The following KCNH1 variants were observed in gnomAD, a reference collection of about 807,000 sequenced individuals.
KCNH1 encodes the protein voltage-gated delayed rectifier potassium channel KCNH1.
A neutral mutation model predicts 69.2 loss-of-function variants in KCNH1; 27 were observed. The ratio of observed to expected loss-of-function variants is 0.39; its 90% CI spans 0.29 to 0.54. The LOEUF is 0.54. Among genes scored for constraint, KCNH1 ranks in the 20% least tolerant of loss-of-function variants. The pLI, the probability that KCNH1 is intolerant of heterozygous loss-of-function variation, is 0.68. For synonymous variants in KCNH1, 456 were observed against 487.7 expected, an observed-to-expected ratio of 0.93 and a Z score of 0.86; for missense variants, 798 against 1,261.6, an observed-to-expected ratio of 0.63 and a Z score of 5.57.
chr1:210,929,879 A>C (rs1430169933), intron 6 of KCNH1, among the ~76,000 whole-genome samples: 2 of 152,236 alleles, frequency 1.3e-5, no homozygotes, highest in Admixed American at 6.5e-5. Context: ...TTTATTCACC[A>C]ACAGCAACCA....
At chr1:211,056,497 T>A (rs778404235) in intron 5 of KCNH1, among the ~76,000 whole-genome samples, 1 of 151,744 alleles carries the variant, frequency 6.6e-6, no homozygotes, top group Non-Finnish European at 1.5e-5. Flanking sequence ...CAAGCCTGCC[T>A]GGATTTGCCA....
Position 211,018,992 on chromosome 1 carries a change from C to T in KCNH1, c.823G>A (p.Gly275Arg), listed in dbSNP as rs779913410. ...TCAGAAATCACCTCCCCTGCTGGTC[C>T]AACAAAGGTGGTATGAAAATTGAGC... ...IVLNFHTTFV[G>R]PAGEVISDPK... Residue 275 changes from glycine to arginine, a missense_variant, in exon 6 of 11, where the codon GGA becomes AGA. Gly to Arg is a moderately radical substitution (Grantham distance 125). Around this residue, in one of 4 missense-constraint regions of KCNH1, gnomAD observed 266 missense variants for 457.2 expected, o/e 0.58. Coordinates refer to ENST00000271751, the MANE Select transcript of KCNH1 (RefSeq NM_172362.3). The T allele has an allele frequency of 6.2e-7, 1 of 1,613,990 alleles. No homozygotes were observed. The highest frequency in any genetic ancestry group is 1.1e-5 in the South Asian group (1 of 91,060).
chr1:210,861,147 T>A, intron 7 of KCNH1: 1 of 913,846 alleles, frequency 1.1e-6, no homozygotes, highest in Non-Finnish European at 1.8e-6. Flanking sequence ...TCAAACTTCA[T>A]GCGTATATAC....
chr1:210,996,165 C>G (rs921260741), intron 6 of KCNH1, among the ~76,000 whole-genome samples: 2 of 152,042 alleles, frequency 1.3e-5, no homozygotes, highest in Non-Finnish European at 1.5e-5. Context: ...GCATTGTGCA[C>G]GAGCCGAAGC....
intron 10 of KCNH1, among the ~76,000 whole-genome samples, chr1:210,731,314 T>TA (rs1380711509): frequency 1.3e-5 from 2 of 152,152 alleles, no homozygotes; most frequent in East Asian, 3.9e-4. Flanking sequence ...ACAGAGAAGT[T>TA]AAAAAATTGG....
At chr1:211,043,637 A>T (rs554446476) in intron 5 of KCNH1, among the ~76,000 whole-genome samples, 4 of 152,166 alleles carry the variant, frequency 2.6e-5, no homozygotes, top group African/African-American at 9.7e-5. Context: ...GACATAACCA[A>T]AAAAGACTAC....
intron 6 of KCNH1, among the ~76,000 whole-genome samples, chr1:211,014,734 C>T (rs1689460677): frequency 6.6e-6 from 1 of 152,132 alleles, no homozygotes; most frequent in South Asian, 2.1e-4. Context: ...TTGAGAACAC[C>T]AAAGATGATT....
intron 1 of KCNH1, among the ~76,000 whole-genome samples, chr1:211,109,025 G>C (rs576300669): frequency 6.6e-6 from 1 of 152,220 alleles, no homozygotes; most frequent in African/African-American, 2.4e-5. Context: ...GTAAAGGGCT[G>C]CGTCTCAGAG....
chr1:211,052,179 C>T (rs752699313), intron 5 of KCNH1, among the ~76,000 whole-genome samples: 2 of 152,188 alleles, frequency 1.3e-5, no homozygotes, highest in Non-Finnish European at 2.9e-5. Flanking sequence ...AATACCCTTC[C>T]ACAAAATCCC....
At chr1:210,820,946 C>G (rs1684916048) in intron 7 of KCNH1, among the ~76,000 whole-genome samples, 1 of 152,118 alleles carries the variant, frequency 6.6e-6, no homozygotes, top group Non-Finnish European at 1.5e-5. Flanking sequence ...AGACTTTTGA[C>G]CTCCGGAACT....
intron 5 of KCNH1, among the ~76,000 whole-genome samples, chr1:211,038,107 C>T (rs559028396): frequency 1.1e-3 from 173 of 151,992 alleles, no homozygotes; most frequent in African/African-American, 4.0e-3. Flanking sequence ...CTACCGGCAC[C>T]CACCACCACG....
chr1:210,940,689 A>G (rs1268684092), intron 6 of KCNH1, among the ~76,000 whole-genome samples: 1 of 152,224 alleles, frequency 6.6e-6, no homozygotes, highest in East Asian at 1.9e-4. Context: ...TTCCTTCTAG[A>G]GGCCTGAAAA....
At chr1:210,957,761 G>T (rs1047064793) in intron 6 of KCNH1, among the ~76,000 whole-genome samples, 1 of 151,930 alleles carries the variant, frequency 6.6e-6, no homozygotes, top group African/African-American at 2.4e-5. Context: ...CTTTCCATTT[G>T]CTTGGTAGAT....
Position 211,120,960 on chromosome 1 carries a change from G to T in KCNH1, c.79+12907C>A, listed in dbSNP as rs374137475. On this transcript the variant is annotated intron_variant, in intron 1 of 10. Transcript: ENST00000271751. ...ACTGCAAACTGAATAAAATACCTAG[G>T]AATACAGCTAACAAGGGATGTGAAG... Among the ~76,000 whole-genome samples the T allele has an allele frequency of 7.2e-5, 11 of 152,134 alleles. No individual in the cohort carries two copies. In the East Asian group the frequency reaches 1.9e-3, roughly 27 times the overall value.
At chr1:210,867,523 A>T (rs978681235) in intron 7 of KCNH1, among the ~76,000 whole-genome samples, 6 of 152,076 alleles carry the variant, frequency 3.9e-5, no homozygotes, top group Non-Finnish European at 5.9e-5. Context: ...CTGAAAAAAA[A>T]TTTTATTGAG....
chr1:211,111,265 C>G (rs924997797), intron 1 of KCNH1, among the ~76,000 whole-genome samples: 1 of 152,208 alleles, frequency 6.6e-6, no homozygotes, highest in African/African-American at 2.4e-5. Flanking sequence ...ATTACAGCCC[C>G]ATCTAAGAAA....
intron 10 of KCNH1, among the ~76,000 whole-genome samples, chr1:210,696,100 G>C (rs1009779848): frequency 1.3e-5 from 2 of 152,210 alleles, no homozygotes; most frequent in Non-Finnish European, 2.9e-5. Flanking sequence ...TCAGGGTGCA[G>C]CTCCACAGCT....
chr1:210,865,755 C>A (rs1200600090), intron 7 of KCNH1, among the ~76,000 whole-genome samples: 1 of 152,172 alleles, frequency 6.6e-6, no homozygotes, highest in Non-Finnish European at 1.5e-5. Context: ...AGTTCAGAAC[C>A]TCTGTTTTTC....
In KCNH1 at chr1:210,682,077, G is replaced by A. The variant is rs1391922132; in HGVS notation, c.*1204C>T. ...ACTTCTCTCCATCACCTTACAGAGA[G>A]CTGGAAACTCACTGCTTCATTCTCT... On this transcript the variant is annotated 3_prime_UTR_variant, in exon 11 of 11. Transcript: ENST00000271751. 1 of 152,180 alleles carries A rather than the reference G, an allele frequency of 6.6e-6. No individual in the cohort carries two copies. Among genetic ancestry groups the A allele is most frequent in the Non-Finnish European group, 1.5e-5 (1 of 68,052 alleles). The allele number at this position is 152,180 out of a possible 1,614,324, so 9.4% of individuals were successfully genotyped here. A position where few individuals can be genotyped will look rare whatever the true frequency, so the allele number is the denominator to read the frequency against.
Sources: gnomAD v4.1 joint callset for allele counts (sites outside exome capture counted in the v4.1 genomes callset) on GRCh38, gnomAD v4.1.1 for gene constraint, gnomAD v4.1.1 regional missense constraint, MANE v1.5 for transcripts, NCBI Gene and HGNC (gene_info 2026-07-23, HGNC 2026-07-21) for gene names.